XRN1: variants seen among roughly 807,000 people sequenced by gnomAD.
XRN1 encodes strand-exchange protein 1 homolog.
A neutral mutation model predicts 222.3 loss-of-function variants in XRN1; 67 were observed. The ratio of observed to expected loss-of-function variants is 0.30; its 90% CI spans 0.25 to 0.37. The LOEUF (loss-of-function observed/expected upper bound fraction) is 0.37. Among genes scored for constraint, XRN1 ranks in the 10% least tolerant of loss-of-function variants. XRN1 has a pLI of 1.00. For missense variants in XRN1, 1,707 were observed against 2,000.2 expected, an observed-to-expected ratio of 0.85 and a Z score of 2.80; for synonymous variants, 643 against 652.4, an observed-to-expected ratio of 0.99 and a Z score of 0.22.
chr3:142,390,008 T>C (rs752654649), intron 20 of XRN1, among the ~76,000 whole-genome samples: 9 of 152,204 alleles, frequency 5.9e-5, no homozygotes, highest in African/African-American at 1.2e-4. Context: ...ACAGTAATAT[T>C]TGGAAAGGAT....
chr3:142,318,703 G>T lies in XRN1; in HGVS notation c.4519-9C>A, dbSNP rs754443657. ...TTCATGCCTAAGGAGCCCTGTGGAAGTATTTAAAAGTTACAAGACAATGCA... is the reference window on the plus strand; with the variant it reads ...TTCATGCCTAAGGAGCCCTGTGGAATTATTTAAAAGTTACAAGACAATGCA... On this transcript the variant is annotated splice_polypyrimidine_tract_variant and intron_variant, in intron 38 of 40. Transcript: ENST00000392981. 17 of 1,609,566 alleles carry T rather than the reference G, an allele frequency of 1.1e-5. No individual in the cohort carries two copies. Among genetic ancestry groups the T allele is most frequent in the Middle Eastern group, 1.6e-4 (1 of 6,074 alleles).
intron 20 of XRN1, among the ~76,000 whole-genome samples, chr3:142,392,222 C>T (rs1286826175): frequency 6.6e-6 from 1 of 152,042 alleles, no homozygotes; most frequent in Non-Finnish European, 1.5e-5. Flanking sequence ...CCATTCTATT[C>T]TTATGTCAAT....
intron 37 of XRN1, among the ~76,000 whole-genome samples, chr3:142,325,430 A>T (rs991395225): frequency 4.6e-5 from 7 of 152,076 alleles, no homozygotes; most frequent in African/African-American, 1.2e-4. Flanking sequence ...TTTATTTTTT[A>T]AAAATTCAAC....
At chr3:142,413,487 T>TG (rs1420605950) in intron 14 of XRN1, among the ~76,000 whole-genome samples, 1 of 151,738 alleles carries the variant, frequency 6.6e-6, no homozygotes, top group African/African-American at 2.4e-5. Flanking sequence ...GTAAAGGGGG[T>TG]GTGTGTGTCT....
At chr3:142,401,677 G>T (rs1231678171) in intron 18 of XRN1, among the ~76,000 whole-genome samples, 1 of 152,146 alleles carries the variant, frequency 6.6e-6, no homozygotes, top group East Asian at 1.9e-4. Context: ...TAGCGCCACT[G>T]CACTCCAGCC....
intron 16 of XRN1, 110 bp from the exon 17 acceptor site, chr3:142,404,099 G>A: frequency 2.1e-6 from 2 of 952,296 alleles, no homozygotes; most frequent in Non-Finnish European, 3.1e-6. Context: ...TTTTAAAGAA[G>A]AGAATGACAA....
At chr3:142,355,858 C>T (rs2066454052) in intron 31 of XRN1, among the ~76,000 whole-genome samples, 1 of 152,010 alleles carries the variant, frequency 6.6e-6, no homozygotes, top group Non-Finnish European at 1.5e-5. Flanking sequence ...CTCAAGCAGT[C>T]CTCCTGCCTT....
intron 33 of XRN1, among the ~76,000 whole-genome samples, chr3:142,343,576 G>A (rs1422804410): frequency 2.0e-5 from 3 of 152,128 alleles, no homozygotes; most frequent in African/African-American, 7.2e-5. Context: ...CAAAAGATAG[G>A]GAGTAACAAA....
At chr3:142,431,252 A>C (rs1161243042) in intron 2 of XRN1, among the ~76,000 whole-genome samples, 1 of 152,238 alleles carries the variant, frequency 6.6e-6, no homozygotes, top group Non-Finnish European at 1.5e-5. Context: ...TGACTTTATA[A>C]GCAAGGAACA....
rs867868026 is a variant in XRN1 at position 142,309,997 on chromosome 3, G to C, written c.*1514C>G. On this transcript the variant is annotated 3_prime_UTR_variant, in exon 41 of 41. Coordinates refer to ENST00000392981, the MANE Select transcript of XRN1 (RefSeq NM_001282857.2). ...AACATCTGAACTTATGAAAATAACA[G>C]AAAATAAAATCATGGAAACTTATAC... 1 of 152,500 alleles carries C rather than the reference G, an allele frequency of 6.6e-6. No homozygotes were observed. Among genetic ancestry groups the C allele is most frequent in the African/African-American group, 2.4e-5 (1 of 41,418 alleles). 9.4% of individuals were successfully genotyped at this position (152,500 alleles called of 1,614,324 possible).
At position 142,393,151 on chromosome 3, in the gene XRN1, C is replaced by T. The variant is rs1275805053; in HGVS notation, c.2339+4178G>A. On this transcript the variant is annotated intron_variant, in intron 20 of 40. Transcript: ENST00000392981. The stretch of plus-strand genomic sequence containing the variant: ...TTGAGAAGTGTCTGTTCATGTCCTT[C>T]GCCCACTTTTTGATGGGGTTGTTTG... Among the ~76,000 whole-genome samples, 1,337 of 144,122 alleles carry T rather than the reference C, an allele frequency of 9.3e-3. 10 individuals carry two copies. Among genetic ancestry groups the T allele is most frequent in the African/African-American group, 0.027 (1,021 of 38,528 alleles). The allele number at this position is 144,122 out of a possible 152,430, so 94.5% of individuals were successfully genotyped here. A position where few individuals can be genotyped will look rare whatever the true frequency, so the allele number is the denominator to read the frequency against.
intron 15 of XRN1, among the ~76,000 whole-genome samples, chr3:142,410,827 T>G (rs555702414): frequency 2.0e-5 from 3 of 152,188 alleles, no homozygotes; most frequent in Admixed American, 2.0e-4. Context: ...TTGCATCTAC[T>G]TTTAGGAGGA....
At position 142,355,508 on chromosome 3, in the gene XRN1, CA is replaced by C; in HGVS notation, c.3673-13del. ...TCTTTAGTAGGTACCTAGCAAAGTA[CA>C]AACAATTTCTTGAGAAAATGAAATA... On this transcript the variant is annotated splice_polypyrimidine_tract_variant and intron_variant, in intron 31 of 40. Transcript: ENST00000392981. 1 of 1,491,818 alleles carries C rather than the reference CA, an allele frequency of 6.7e-7. No individual in the cohort carries two copies. 92.4% of individuals were successfully genotyped at this position (1,491,818 alleles called of 1,614,324 possible). A position where few individuals can be genotyped will look rare whatever the true frequency, so the allele number is the denominator to read the frequency against.
At chr3:142,345,848 C>T (rs1273764534) in intron 33 of XRN1, among the ~76,000 whole-genome samples, 2 of 152,276 alleles carry the variant, frequency 1.3e-5, no homozygotes, top group South Asian at 2.1e-4. Flanking sequence ...CCACCTCACA[C>T]CTAGTAGGAC....
chr3:142,353,217 C>T lies in XRN1; in HGVS notation c.3768+2184G>A, dbSNP rs189027903. ...ATTTAAAATATAGTTACTATGACTT[C>T]GTAAATAACTAAAAAAACCCTAAAG... On this transcript the variant is annotated intron_variant, in intron 32 of 40. Transcript: ENST00000392981. 2.6e-5 allele frequency among the ~76,000 whole-genome samples: 4 copies of T among 152,116 alleles called. No individual in the cohort carries two copies. The East Asian group carries it at 5.8e-4, about 22-fold the overall frequency.
chr3:142,408,085 G>A (rs1340066453), intron 15 of XRN1, among the ~76,000 whole-genome samples: 2 of 152,126 alleles, frequency 1.3e-5, no homozygotes, highest in Non-Finnish European at 2.9e-5. Context: ...TTCACACACC[G>A]CTGTCTAGTT....
intron 2 of XRN1, among the ~76,000 whole-genome samples, chr3:142,431,914 A>ATGTAT (rs2069591114): frequency 3.1e-5 from 1 of 32,144 alleles, no homozygotes; most frequent in Non-Finnish European, 5.1e-5. Flanking sequence ...ATATATATAA[A>ATGTAT]TATATATAAT....
At chr3:142,388,483 AC>A (rs1471950670) in intron 20 of XRN1, among the ~76,000 whole-genome samples, 5 of 152,146 alleles carry the variant, frequency 3.3e-5, no homozygotes, top group Non-Finnish European at 5.9e-5. Context: ...CAGCACCCCT[AC>A]CTCCCACACT....
At chr3:142,442,168 T>C (rs1302597841) in intron 1 of XRN1, among the ~76,000 whole-genome samples, 1 of 152,180 alleles carries the variant, frequency 6.6e-6, no homozygotes, top group Non-Finnish European at 1.5e-5. Flanking sequence ...TCCATGCCCA[T>C]GCAGCAATAT....
Sources: allele counts gnomAD v4.1 joint callset (sites outside exome capture counted in the v4.1 genomes callset), GRCh38; gene constraint gnomAD v4.1.1; transcripts MANE v1.5; gene names NCBI Gene and HGNC (gene_info 2026-07-23, HGNC 2026-07-21).